SPATA16: variants seen among roughly 807,000 people sequenced by gnomAD.
SPATA16 encodes spermatogenesis-associated protein 16.
SPATA16 carries 36 observed loss-of-function variants against 63.3 expected under a neutral mutation model. The observed-to-expected ratio is 0.57, with a 90% CI of 0.44 to 0.75. SPATA16 has a LOEUF of 0.75. Ranked by LOEUF, SPATA16 falls within the 30% of genes least tolerant of loss-of-function variation. The pLI is 0.00. For synonymous variants in SPATA16, 203 were observed against 216.7 expected (o/e 0.94, Z 0.56); for missense variants, 646 against 679.3 (o/e 0.95, Z 0.54).
chr3:172,944,184 T>A (rs1346156264), intron 6 of SPATA16, among the ~76,000 whole-genome samples: 1 of 152,036 alleles, frequency 6.6e-6, no homozygotes. Context: ...AACAACTCAA[T>A]TAAAAAATTG....
At chr3:172,987,622 G>T (rs934680586) in intron 4 of SPATA16, among the ~76,000 whole-genome samples, 3 of 152,178 alleles carry the variant, frequency 2.0e-5, no homozygotes, top group African/African-American at 7.2e-5. Context: ...GTCATATTAG[G>T]TCATGCTGAA....
At chr3:172,932,850 A>T (rs1236298548) in intron 6 of SPATA16, among the ~76,000 whole-genome samples, 1 of 152,126 alleles carries the variant, frequency 6.6e-6, no homozygotes, top group African/African-American at 2.4e-5. Flanking sequence ...CAGAAATAGA[A>T]AAAAAATTGG....
At chr3:172,911,324 A>G (rs1224861675) in intron 10 of SPATA16, among the ~76,000 whole-genome samples, 1 of 152,056 alleles carries the variant, frequency 6.6e-6, no homozygotes, top group Non-Finnish European at 1.5e-5. Flanking sequence ...AACCTCAGGG[A>G]CACCAGTACC....
intron 2 of SPATA16, among the ~76,000 whole-genome samples, chr3:173,095,668 T>C (rs1312530135): frequency 1.3e-5 from 2 of 152,104 alleles, no homozygotes; most frequent in African/African-American, 4.8e-5. Context: ...TGCTATAGAG[T>C]AAATACATAG....
chr3:172,928,283 G>C (rs2109582842), intron 6 of SPATA16, among the ~76,000 whole-genome samples: 1 of 152,268 alleles, frequency 6.6e-6, no homozygotes, highest in Admixed American at 6.5e-5. Context: ...TTATAAACAA[G>C]GTAAAAATGT....
chr3:173,067,738 G>T (rs1736557538), intron 2 of SPATA16, among the ~76,000 whole-genome samples: 1 of 152,154 alleles, frequency 6.6e-6, no homozygotes, highest in East Asian at 1.9e-4. Context: ...CTTATAGAAA[G>T]ACATGAATGT....
Position 172,976,203 on chromosome 3 carries a change from G to A in SPATA16, c.933+765C>T, listed in dbSNP as rs73175089. On this transcript the variant is annotated intron_variant, in intron 5 of 10. Coordinates refer to ENST00000351008, the MANE Select transcript of SPATA16 (RefSeq NM_031955.6). ...TTCATGTGGACTCATCAGAAACAAT[G>A]GGATGGAAGTTTTAAGGGAGTAGAA... 8.1e-3 allele frequency among the ~76,000 whole-genome samples: 1,240 copies of A among 152,196 alleles called. 10 individuals are homozygous for A. The highest frequency in any genetic ancestry group is 0.027 in the Middle Eastern group (8 of 294).
intron 4 of SPATA16, among the ~76,000 whole-genome samples, chr3:172,994,400 G>A (rs1242702138): frequency 6.6e-6 from 1 of 152,140 alleles, no homozygotes; most frequent in Non-Finnish European, 1.5e-5. Context: ...AGGGCAGATA[G>A]GTCCTGAGAA....
At chr3:173,068,945 A>T (rs1220985658) in intron 2 of SPATA16, among the ~76,000 whole-genome samples, 1 of 150,936 alleles carries the variant, frequency 6.6e-6, no homozygotes, top group Non-Finnish European at 1.5e-5. Flanking sequence ...CCCGTCTCTA[A>T]TAAAAATACA....
chr3:172,897,474 T>C (rs1387244685), intron 10 of SPATA16, among the ~76,000 whole-genome samples: 1 of 152,150 alleles, frequency 6.6e-6, no homozygotes, highest in Non-Finnish European at 1.5e-5. Flanking sequence ...CATCACTGTT[T>C]TGTAATTTTA....
intron 6 of SPATA16, among the ~76,000 whole-genome samples, chr3:172,946,705 C>A (rs931421964): frequency 6.6e-6 from 1 of 152,144 alleles, no homozygotes; most frequent in African/African-American, 2.4e-5. Context: ...TCCAAAGGTT[C>A]CCCTCTCCAG....
intron 5 of SPATA16, among the ~76,000 whole-genome samples, chr3:172,958,814 CTCT>C (rs1733669017): frequency 6.6e-6 from 1 of 151,966 alleles, no homozygotes; most frequent in Non-Finnish European, 1.5e-5. Context: ...TTCTAATTTC[CTCT>C]TTTTATAAGC....
intron 6 of SPATA16, among the ~76,000 whole-genome samples, chr3:172,938,211 AT>A (rs1464935280): frequency 6.6e-6 from 1 of 152,226 alleles, no homozygotes; most frequent in African/African-American, 2.4e-5. Flanking sequence ...TACAGATGCT[AT>A]AAAAACATTA....
rs35439377 is a variant in SPATA16 at position 173,068,816 on chromosome 3, T to TAAAAA, written c.613-19727_613-19723dup. Among the ~76,000 whole-genome samples, 96 of 142,776 alleles carry TAAAAA rather than the reference T, an allele frequency of 6.7e-4. 1 individual carries two copies. The highest frequency in any genetic ancestry group is 2.3e-3 in the African/African-American group (89 of 39,078). 93.7% of individuals were successfully genotyped at this position (142,776 alleles called of 152,430 possible). A position where few individuals can be genotyped will look rare whatever the true frequency, so the allele number is the denominator to read the frequency against. ...AAGAGCAAACCAAACCCCAAATTAG[T>TAAAAA]AAAAAAAAAAAAGGCCGGGCGTGGT... On this transcript the variant is annotated intron_variant, in intron 2 of 10. Coordinates refer to ENST00000351008, the MANE Select transcript of SPATA16 (RefSeq NM_031955.6).
intron 4 of SPATA16, among the ~76,000 whole-genome samples, chr3:172,991,448 C>A (rs1195840435): frequency 6.6e-6 from 1 of 152,098 alleles, no homozygotes; most frequent in Non-Finnish European, 1.5e-5. Flanking sequence ...TAAGAGTCTA[C>A]AGAAAAAAAT....
chr3:172,974,383 G>C (rs1734109572), intron 5 of SPATA16, among the ~76,000 whole-genome samples: 1 of 152,170 alleles, frequency 6.6e-6, no homozygotes, highest in African/African-American at 2.4e-5. Context: ...TCTCTAGTCT[G>C]TGATGTTTGG....
chr3:173,028,985 A>G (rs1379973596), intron 3 of SPATA16, among the ~76,000 whole-genome samples: 4 of 152,040 alleles, frequency 2.6e-5, no homozygotes, highest in Admixed American at 6.6e-5. Context: ...ATGCCCTTCC[A>G]TATGGAATAT....
At chr3:172,918,377 G>T (rs1485900997) in intron 8 of SPATA16, among the ~76,000 whole-genome samples, 5 of 152,236 alleles carry the variant, frequency 3.3e-5, no homozygotes, top group South Asian at 2.1e-4. Context: ...ATAGTGGAAG[G>T]CAACAGTTTT....
chr3:172,904,709 A>G (rs562648588), intron 10 of SPATA16, among the ~76,000 whole-genome samples: 2 of 152,354 alleles, frequency 1.3e-5, no homozygotes, highest in South Asian at 2.1e-4. Context: ...GTTGGTTTAA[A>G]TTATAATTGA....
Sources: allele counts gnomAD v4.1 joint callset (sites outside exome capture counted in the v4.1 genomes callset), GRCh38; gene constraint gnomAD v4.1.1; transcripts MANE v1.5; gene names NCBI Gene and HGNC (gene_info 2026-07-23, HGNC 2026-07-21).